ITCH: variants seen among roughly 807,000 people sequenced by gnomAD.
ITCH encodes E3 ubiquitin-protein ligase Itchy homolog.
ITCH carries 28 observed loss-of-function variants against 126.8 expected under a neutral mutation model. That is an observed-to-expected ratio of 0.22 (90% CI 0.16 to 0.30). The LOEUF is 0.30. Ranked by LOEUF, ITCH falls within the 10% of genes least tolerant of loss-of-function variation. ITCH has a pLI of 1.00. For synonymous variants in ITCH, 342 were observed against 340.0 expected, an observed-to-expected ratio of 1.01 and a Z score of -0.06; for missense variants, 631 against 1,032.4, an observed-to-expected ratio of 0.61 and a Z score of 5.33.
intron 11 of ITCH, among the ~76,000 whole-genome samples, chr20:34,449,123 T>A (rs902297037): frequency 2.2e-4 from 33 of 152,306 alleles, no homozygotes; most frequent in African/African-American, 7.2e-4. Flanking sequence ...ATATTATTGA[T>A]GTAAAATTTG....
chr20:34,456,664 G>GTA (rs1439818018), intron 12 of ITCH, among the ~76,000 whole-genome samples: 2 of 146,116 alleles, frequency 1.4e-5, no homozygotes, highest in African/African-American at 5.0e-5. Context: ...ATATATGTGT[G>GTA]TGTGTGTGTA....
intron 14 of ITCH, among the ~76,000 whole-genome samples, chr20:34,464,389 C>T (rs1047264278): frequency 1.3e-5 from 2 of 148,704 alleles, no homozygotes; most frequent in African/African-American, 5.0e-5. Flanking sequence ...TGCAATGGTG[C>T]GATCTCGGCT....
At chr20:34,445,196 A>G (rs1046855613) in intron 10 of ITCH, 91 bp from the exon 11 acceptor site, 2 of 1,379,542 alleles carry the variant, frequency 1.4e-6, no homozygotes, top group African/African-American at 2.9e-5. Context: ...CTCCAGATAA[A>G]TCAAAAGTAG....
At chr20:34,422,841 G>C (rs2889850) in intron 6 of ITCH, among the ~76,000 whole-genome samples, 83,672 of 151,412 alleles carry the variant, frequency 0.55, 23,672 homozygotes, top group African/African-American at 0.65. Context: ...GTCGCCCAGG[G>C]TGGAGTGCAG....
intron 2 of ITCH, among the ~76,000 whole-genome samples, chr20:34,369,791 A>T (rs1257276005): frequency 6.6e-6 from 1 of 152,120 alleles, no homozygotes; most frequent in African/African-American, 2.4e-5. Context: ...GTGTAGGATT[A>T]AGAGGTGGGT....
At chr20:34,410,612 G>A (rs189266839) in intron 4 of ITCH, among the ~76,000 whole-genome samples, 7 of 152,248 alleles carry the variant, frequency 4.6e-5, no homozygotes, top group Admixed American at 1.3e-4. Flanking sequence ...GGAGGATAAG[G>A]GGGGAGGATA....
rs541055147 is a variant in ITCH, at chr20:34,463,088, C to T, written c.1424+867C>T. ...ATATAATTTTCTGCTTGAGGCCGGG[C>T]GCAGTGGCTCATGCCTGTAATCCCA... On this transcript the variant is annotated intron_variant, in intron 14 of 24. Transcript: ENST00000374864. Among the ~76,000 whole-genome samples, 6 of 152,218 alleles carry T rather than the reference C, an allele frequency of 3.9e-5. No homozygotes were observed. In the South Asian group the frequency reaches 1.2e-3, roughly 32 times the overall value.
Position 34,413,831 on chromosome 20 carries a change from C to T in ITCH, c.427C>T (p.Gln143Ter), listed in dbSNP as rs1179469441. The change falls in exon 6 of 25, where the codon CAG becomes TAG. Residue 143 changes from glutamine (Q) to a stop codon, truncating the protein, a stop_gained. Transcript: ENST00000374864. LOFTEE classifies it high-confidence loss of function. ...CTTGTCAATTTGTCTTGATGGGCTA[C>T]AGTTAGAGTCTGAAGTTGTTACCAA... ...GDLSICLDGL[Q>*]LESEVVTNGE... is the part of the protein sequence containing the mutation. 1 of 1,613,472 alleles carries T rather than the reference C, an allele frequency of 6.2e-7. No individual in the cohort carries two copies. The highest frequency in any genetic ancestry group is 8.5e-7 in the Non-Finnish European group (1 of 1,179,620).
chr20:34,486,287 T>G (rs1341859624), intron 20 of ITCH, among the ~76,000 whole-genome samples: 1 of 151,842 alleles, frequency 6.6e-6, no homozygotes, highest in Middle Eastern at 3.4e-3. Context: ...CCCAAAGTGC[T>G]GGAATTATAG....
intron 23 of ITCH, among the ~76,000 whole-genome samples, chr20:34,502,508 C>G (rs575110755): frequency 1.3e-5 from 2 of 151,944 alleles, no homozygotes; most frequent in East Asian, 3.9e-4. Context: ...GTCAGGAGTT[C>G]AAGACCAGCC....
chr20:34,426,059 A>G (rs1981475495), intron 7 of ITCH, among the ~76,000 whole-genome samples: 1 of 152,260 alleles, frequency 6.6e-6, no homozygotes, highest in Non-Finnish European at 1.5e-5. Flanking sequence ...TATCCTGGAA[A>G]TCGGTAACAG....
At position 34,440,138 on chromosome 20, in the gene ITCH, C is replaced by T; in HGVS notation, c.680-17C>T. 1.3e-6 allele frequency: 2 copies of T among 1,576,940 alleles called. No homozygotes were observed. The highest frequency in any genetic ancestry group is 1.1e-5 in the South Asian group (1 of 90,188). On this transcript the variant is annotated splice_polypyrimidine_tract_variant and intron_variant, in intron 8 of 24. Transcript: ENST00000374864. ...AAATGAAAGATTCTTTTCCTATTTT[C>T]CCCAAATCTTTTATAGCATCTGTCA...
At chr20:34,463,980 T>G (rs1015001180) in intron 14 of ITCH, among the ~76,000 whole-genome samples, 2 of 152,072 alleles carry the variant, frequency 1.3e-5, no homozygotes, top group Non-Finnish European at 2.9e-5. Flanking sequence ...TTTTTTCTTT[T>G]CTTTTCTTTT....
chr20:34,480,207 G>GT (rs1568989511), intron 18 of ITCH, among the ~76,000 whole-genome samples: 1 of 151,740 alleles, frequency 6.6e-6, no homozygotes, highest in East Asian at 1.9e-4. Context: ...CCAGGGAAGT[G>GT]TTTTTTTGAG....
intron 2 of ITCH, among the ~76,000 whole-genome samples, chr20:34,380,691 T>G (rs1370741256): frequency 2.7e-5 from 4 of 150,768 alleles, no homozygotes; most frequent in Non-Finnish European, 5.9e-5. Context: ...GCTCAGGTGA[T>G]TTTCCTGCCT....
At chr20:34,491,966 A>AAT (rs1200880901) in intron 22 of ITCH, among the ~76,000 whole-genome samples, 1 of 152,188 alleles carries the variant, frequency 6.6e-6, no homozygotes, top group Non-Finnish European at 1.5e-5. Flanking sequence ...TAGCCACATG[A>AAT]ATATCCTATA....
At chr20:34,459,483 G>A (rs945589444) in intron 13 of ITCH, among the ~76,000 whole-genome samples, 15 of 152,274 alleles carry the variant, frequency 9.9e-5, no homozygotes, top group African/African-American at 3.4e-4. Context: ...AGCCTTGACT[G>A]TCCAGTGATC....
rs146658887 is a variant in ITCH at position 34,400,778 on chromosome 20, A to C, written c.70+6897A>C. 4.6e-3 allele frequency among the ~76,000 whole-genome samples: 689 copies of C among 148,920 alleles called. 15 individuals are homozygous for C. The highest frequency in any genetic ancestry group is 0.016 in the African/African-American group (629 of 40,330). On this transcript the variant is annotated intron_variant, in intron 3 of 24. Transcript: ENST00000374864. ...ACCTACTTATTTATTTATTTATTGA[A>C]ACAGAGTCTCGCTCTGTCACCCAGG...
intron 11 of ITCH, among the ~76,000 whole-genome samples, chr20:34,446,489 C>T (rs746626480): frequency 6.6e-6 from 1 of 152,128 alleles, no homozygotes; most frequent in Non-Finnish European, 1.5e-5. Flanking sequence ...CCCTTTGTTC[C>T]TTGGTTATGA....
Sources: gnomAD v4.1 joint callset for allele counts (sites outside exome capture counted in the v4.1 genomes callset) on GRCh38, gnomAD v4.1.1 for gene constraint, MANE v1.5 for transcripts, NCBI Gene and HGNC (gene_info 2026-07-23, HGNC 2026-07-21) for gene names.